Variants in TMEM229B observed in about 807,000 individuals in gnomAD.
TMEM229B encodes chromosome 14 open reading frame 83.
TMEM229B carries 6 observed loss-of-function variants against 13.7 expected under a neutral mutation model. That is an observed-to-expected ratio of 0.44 (90% CI 0.24 to 0.86). TMEM229B has a LOEUF of 0.86. TMEM229B is among the 40% of genes least tolerant of loss of function. The pLI, the probability that TMEM229B is intolerant of heterozygous loss-of-function variation, is 0.23. For synonymous variants in TMEM229B, 107 were observed against 102.1 expected (o/e 1.05, Z -0.29); for missense variants, 170 against 236.0 (o/e 0.72, Z 1.83).
upstream of TMEM229B, among the ~76,000 whole-genome samples, chr14:67,491,043 C>G (rs894770586): frequency 7.9e-5 from 12 of 152,188 alleles, no homozygotes; most frequent in African/African-American, 2.9e-4. Context: ...ACAAGACTGC[C>G]CCCACTTCAG....
intron 2 of TMEM229B, among the ~76,000 whole-genome samples, chr14:67,478,093 G>A (rs767185554): frequency 3.3e-5 from 5 of 152,214 alleles, no homozygotes; most frequent in Non-Finnish European, 5.9e-5. Context: ...AACAACTACC[G>A]TCTACTATTA....
intron 2 of TMEM229B, among the ~76,000 whole-genome samples, chr14:67,482,933 A>G (rs1417147153): frequency 6.6e-6 from 1 of 152,128 alleles, no homozygotes; most frequent in Non-Finnish European, 1.5e-5. Context: ...CAGTATTTCC[A>G]TGTATTAACT....
chr14:67,530,506 A>G (rs1475002), intron 1 of TMEM229B, among the ~76,000 whole-genome samples: 138,654 of 152,224 alleles, frequency 0.91, 63,439 homozygotes, highest in Non-Finnish European at 0.96. Flanking sequence ...TAAACCATGT[A>G]GTGTGTGTAT....
chr14:67,488,828 A>G (rs1277851305), upstream of TMEM229B: 1 of 152,230 alleles, frequency 6.6e-6, no homozygotes, highest in Non-Finnish European at 1.5e-5. Flanking sequence ...CTGGCAGATG[A>G]AGCCCCAGCA....
chr14:67,518,346 C>T (rs994138051), upstream of TMEM229B, among the ~76,000 whole-genome samples: 1 of 152,188 alleles, frequency 6.6e-6, no homozygotes, highest in African/African-American at 2.4e-5. Context: ...CTATTTTTCT[C>T]ATCTGCAAAA....
upstream of TMEM229B, among the ~76,000 whole-genome samples, chr14:67,490,656 T>C (rs932560453): frequency 2.0e-5 from 3 of 152,216 alleles, no homozygotes; most frequent in Non-Finnish European, 4.4e-5. Context: ...ATTGAGTCTC[T>C]GCTTCTCTGA....
chr14:67,516,868 G>A (rs28677037), upstream of TMEM229B, among the ~76,000 whole-genome samples: 1,813 of 152,284 alleles, frequency 0.012, 40 homozygotes, highest in African/African-American at 0.042. Context: ...AGTACAGGAG[G>A]TAGACAGCCA....
intron 2 of TMEM229B, among the ~76,000 whole-genome samples, chr14:67,484,027 T>C (rs1246388692): frequency 6.6e-6 from 1 of 152,234 alleles, no homozygotes; most frequent in Non-Finnish European, 1.5e-5. Flanking sequence ...CAGACCTGTA[T>C]GTGGCTGCCT....
chr14:67,532,372 T>A (rs1200466026), intron 1 of TMEM229B, among the ~76,000 whole-genome samples: 1 of 152,202 alleles, frequency 6.6e-6, no homozygotes, highest in Non-Finnish European at 1.5e-5. Context: ...AGGCTCTGTT[T>A]TGAAGTGTGG....
chr14:67,530,748 G>C (rs2033431413), intron 1 of TMEM229B, among the ~76,000 whole-genome samples: 1 of 152,176 alleles, frequency 6.6e-6, no homozygotes, highest in African/African-American at 2.4e-5. Context: ...CATGAATGGA[G>C]TGTGAGAGCC....
chr14:67,491,593 C>T (rs28647590), upstream of TMEM229B, among the ~76,000 whole-genome samples: 3,658 of 152,232 alleles, frequency 0.024, 167 homozygotes, highest in African/African-American at 0.084. Context: ...GGACAAAGAC[C>T]GAATACATTT....
intron 1 of TMEM229B, among the ~76,000 whole-genome samples, chr14:67,496,798 C>CTTGCTTGG (rs2032407891): frequency 2.4e-4 from 1 of 4,114 alleles, no homozygotes; most frequent in Non-Finnish European, 2.4e-3. Flanking sequence ...GTCTTTCTTT[C>CTTGCTTGG]TTGCTTGCTT....
Position 67,473,977 on chromosome 14 carries a change from G to T in TMEM229B, c.-18-36C>A. The T allele has an allele frequency of 1.3e-6, 2 of 1,529,878 alleles. No homozygotes were observed. The highest frequency in any genetic ancestry group is 1.8e-6 in the Non-Finnish European group (2 of 1,140,152). The allele number at this position is 1,529,878 out of a possible 1,614,324, so 94.8% of individuals were successfully genotyped here. A position where few individuals can be genotyped will look rare whatever the true frequency, so the allele number is the denominator to read the frequency against. On this transcript the variant is annotated intron_variant, in intron 2 of 2. Coordinates refer to ENST00000554480, the MANE Select transcript of TMEM229B (RefSeq NM_001348543.2). This position sits in a 1 kb window ranked among gnomAD's most constrained non-coding sequence, Gnocchi z 6.5. ...CGCAAGAGAGACAGGTGAGGGCCGGGCGCGGTGGCTCACGCCTATAATCCC... is the reference window on the plus strand; with the variant it reads ...CGCAAGAGAGACAGGTGAGGGCCGGTCGCGGTGGCTCACGCCTATAATCCC...
upstream of TMEM229B, chr14:67,533,766 G>A (rs1050714111): frequency 1.3e-5 from 2 of 152,250 alleles, no homozygotes; most frequent in African/African-American, 4.8e-5. Context: ...TCTCACCTCA[G>A]GTTATTTCTT....
In TMEM229B at chr14:67,473,244, T is replaced by G; in HGVS notation, c.*176A>C. 1.2e-6 allele frequency: 1 copy of G among 830,232 alleles called. No individual in the cohort carries two copies. The highest frequency in any genetic ancestry group is 1.8e-5 in the South Asian group (1 of 55,740). 51.4% of individuals were successfully genotyped at this position (830,232 alleles called of 1,614,324 possible). Reference sequence around the variant, plus strand: ...CCTCCACACCCCATCCCCCAACACCTGACCACGGCCCCCCAACACCGGCCC... The same window carrying G: ...CCTCCACACCCCATCCCCCAACACCGGACCACGGCCCCCCAACACCGGCCC... On this transcript the variant is annotated 3_prime_UTR_variant, in exon 3 of 3. Coordinates refer to ENST00000554480, the MANE Select transcript of TMEM229B (RefSeq NM_001348543.2). The surrounding 1 kb of genome is among the most constrained non-coding windows in gnomAD (Gnocchi z 6.5).
At chr14:67,515,308 C>G (rs948461721) in exon 1 of TMEM229B, 9 of 153,702 alleles carry the variant, frequency 5.9e-5, no homozygotes, top group African/African-American at 2.2e-4. Context: ...GCCTGGCACT[C>G]CCGCGCCGCG....
chr14:67,519,139 C>A (rs984634293), upstream of TMEM229B, among the ~76,000 whole-genome samples: 2 of 152,120 alleles, frequency 1.3e-5, no homozygotes, highest in African/African-American at 2.4e-5. Flanking sequence ...AGTCTCTTTG[C>A]AACTGCCCCT....
At chr14:67,502,680 G>A (rs183545172) in intron 1 of TMEM229B, among the ~76,000 whole-genome samples, 24 of 152,064 alleles carry the variant, frequency 1.6e-4, no homozygotes, top group Non-Finnish European at 2.9e-4. Flanking sequence ...TCAAACTCCC[G>A]ACCTCAGGTG....
intron 2 of TMEM229B, among the ~76,000 whole-genome samples, chr14:67,475,162 G>A (rs377500029): frequency 1.2e-4 from 19 of 152,236 alleles, no homozygotes; most frequent in East Asian, 3.9e-4. Flanking sequence ...TGATCCGCCC[G>A]CCTTGGCCTC....
Sources: gnomAD v4.1 joint callset for allele counts (sites outside exome capture counted in the v4.1 genomes callset) on GRCh38, gnomAD v4.1.1 for gene constraint, Gnocchi (gnomAD v3.1) non-coding constraint, MANE v1.5 for transcripts, NCBI Gene and HGNC (gene_info 2026-07-23, HGNC 2026-07-21) for gene names.